PIK3C2G: variants seen among roughly 807,000 people sequenced by gnomAD.
The protein encoded by PIK3C2G is phosphatidylinositol 3-kinase C2 domain-containing subunit gamma.
In PIK3C2G, 168 loss-of-function variants were observed where a neutral mutation model predicts 181.1. That is an observed-to-expected ratio of 0.93 (90% CI 0.82 to 1.05). The LOEUF is 1.05. Among genes scored for constraint, PIK3C2G ranks in the 50% least tolerant of loss-of-function variants. The probability of loss-of-function intolerance (pLI) is 0.00; values close to 1 mark genes in which losing one functional copy is unlikely to be tolerated. For missense variants in PIK3C2G, 1,869 were observed against 1,732.8 expected (o/e 1.08, Z -1.40); for synonymous variants, 573 against 592.2 (o/e 0.97, Z 0.47).
At chr12:18,401,985 C>G (rs1020734059) in intron 16 of PIK3C2G, among the ~76,000 whole-genome samples, 3 of 151,954 alleles carry the variant, frequency 2.0e-5, no homozygotes, top group Non-Finnish European at 2.9e-5. Flanking sequence ...AGTGTTAAAC[C>G]CAGAGTTACT....
At chr12:18,500,414 G>T (rs1592420194) in intron 22 of PIK3C2G, among the ~76,000 whole-genome samples, 1 of 152,306 alleles carries the variant, frequency 6.6e-6, no homozygotes, top group East Asian at 1.9e-4. Context: ...AGCCAGCCAT[G>T]CCTGAGCCTC....
intron 18 of PIK3C2G, among the ~76,000 whole-genome samples, chr12:18,487,107 T>TGTGTGTGC (rs1315918030): frequency 6.6e-6 from 1 of 150,944 alleles, no homozygotes; most frequent in Non-Finnish European, 1.5e-5. Flanking sequence ...TGTGTGTGTG[T>TGTGTGTGC]GTGTGTGTGT....
intron 24 of PIK3C2G, among the ~76,000 whole-genome samples, chr12:18,532,103 G>A (rs544431246): frequency 6.6e-6 from 1 of 152,108 alleles, no homozygotes; most frequent in African/African-American, 2.4e-5. Flanking sequence ...CTCATTGTGG[G>A]TTTAAGTTGC....
At chr12:18,307,073 T>C (rs1362421368) in intron 5 of PIK3C2G, among the ~76,000 whole-genome samples, 1 of 149,268 alleles carries the variant, frequency 6.7e-6, no homozygotes, top group Non-Finnish European at 1.5e-5. Context: ...GAATGTTATC[T>C]AGGATGCTTA....
chr12:18,273,789 C>A (rs531888347), intron 1 of PIK3C2G, among the ~76,000 whole-genome samples: 16 of 152,066 alleles, frequency 1.1e-4, no homozygotes, highest in Admixed American at 2.0e-4. Context: ...GCAACAAAAG[C>A]CAAAATTGAA....
chr12:18,383,256 CA>C (rs1016803627), intron 14 of PIK3C2G, among the ~76,000 whole-genome samples: 2 of 152,126 alleles, frequency 1.3e-5, no homozygotes, highest in African/African-American at 4.8e-5. Flanking sequence ...TTATGGTAAA[CA>C]CTCTTACAAA....
intron 5 of PIK3C2G, among the ~76,000 whole-genome samples, chr12:18,303,148 C>A (rs1331483408): frequency 1.2e-5 from 1 of 80,630 alleles, no homozygotes; most frequent in African/African-American, 5.5e-5. Context: ...CTTTTCTTTT[C>A]TTTCTTCTTT....
At chr12:18,475,238 CT>C (rs961614262) in intron 18 of PIK3C2G, among the ~76,000 whole-genome samples, 72 of 150,608 alleles carry the variant, frequency 4.8e-4, no homozygotes, top group African/African-American at 1.6e-3. Flanking sequence ...TAGAGTCTGA[CT>C]TTTTTTTTGC....
intron 11 of PIK3C2G, chr12:18,358,627 A>C: frequency 2.1e-6 from 1 of 486,396 alleles, no homozygotes; most frequent in South Asian, 1.6e-5. Flanking sequence ...TTAACCAAAA[A>C]AAATTCCTAT....
intron 12 of PIK3C2G, among the ~76,000 whole-genome samples, chr12:18,370,693 A>C (rs1374170029): frequency 6.6e-6 from 1 of 152,140 alleles, no homozygotes; most frequent in East Asian, 1.9e-4. Context: ...TTCTAGCCAC[A>C]ATGAACCATT....
At chr12:18,262,752 C>G (rs1948303699) in intron 1 of PIK3C2G, among the ~76,000 whole-genome samples, 1 of 152,072 alleles carries the variant, frequency 6.6e-6, no homozygotes, top group Non-Finnish European at 1.5e-5. Context: ...TTTCTTCTGC[C>G]TGAGCTGGAA....
chr12:18,712,271 G>A, the PIK3C2G span, among the ~76,000 whole-genome samples: 2 of 152,086 alleles, frequency 1.3e-5, no homozygotes, highest in African/African-American at 2.4e-5. Context: ...CCTTAACATT[G>A]AGGGATTGCA....
intron 18 of PIK3C2G, among the ~76,000 whole-genome samples, chr12:18,426,602 A>C (rs1290803117): frequency 6.6e-6 from 1 of 152,116 alleles, no homozygotes; most frequent in Non-Finnish European, 1.5e-5. Context: ...TCTATGTTTT[A>C]CTCTCCTGAA....
chr12:18,371,221 C>G lies in PIK3C2G; in HGVS notation c.1790C>G (p.Ser597Cys). 6.2e-7 allele frequency: 1 copy of G among 1,611,650 alleles called. No individual in the cohort carries two copies. The highest frequency in any genetic ancestry group is 1.3e-5 in the African/African-American group (1 of 75,012). Residue 597 changes from serine to cysteine, a missense_variant, in exon 13 of 33, where the codon TCC becomes TGC. Coordinates refer to ENST00000538779, the MANE Select transcript of PIK3C2G (RefSeq NM_001288772.2). ...GAAATAAAGTCACTTCCAAGGGAAT[C>G]CATGCTCACTGTAAAACTGTTTGGG... ...PLEIKSLPRE[S>C]MLTVKLFGIA...
chr12:18,345,534 G>C (rs1317333033), intron 10 of PIK3C2G, among the ~76,000 whole-genome samples: 1 of 152,114 alleles, frequency 6.6e-6, no homozygotes, highest in Non-Finnish European at 1.5e-5. Context: ...GACAGGATGT[G>C]GGAGGAAGCT....
intron 18 of PIK3C2G, among the ~76,000 whole-genome samples, chr12:18,486,713 C>T (rs1333739789): frequency 6.6e-6 from 1 of 151,558 alleles, no homozygotes; most frequent in Non-Finnish European, 1.5e-5. Flanking sequence ...TGCTGACAAA[C>T]ATTGATATTC....
intron 12 of PIK3C2G, among the ~76,000 whole-genome samples, chr12:18,363,904 C>G (rs936298205): frequency 6.6e-6 from 1 of 152,154 alleles, no homozygotes; most frequent in African/African-American, 2.4e-5. Flanking sequence ...AGGACCATGA[C>G]AATCTCTATC....
chr12:18,575,518 T>C (rs1378789785), intron 29 of PIK3C2G, among the ~76,000 whole-genome samples: 3 of 152,206 alleles, frequency 2.0e-5, no homozygotes, highest in African/African-American at 4.8e-5. Context: ...CAAATTTTGA[T>C]ACAAGAACAT....
chr12:18,697,091 T>G, the PIK3C2G span, among the ~76,000 whole-genome samples: 1 of 152,146 alleles, frequency 6.6e-6, no homozygotes, highest in Non-Finnish European at 1.5e-5. Flanking sequence ...ACAAATTTCA[T>G]GCTTCTCCAA....
Sources: allele counts gnomAD v4.1 joint callset (sites outside exome capture counted in the v4.1 genomes callset), GRCh38; gene constraint gnomAD v4.1.1; transcripts MANE v1.5; gene names NCBI Gene and HGNC (gene_info 2026-07-23, HGNC 2026-07-21).